SPTLC1: variants seen among roughly 807,000 people sequenced by gnomAD.
SPTLC1 encodes the protein serine palmitoyltransferase 1.
Under a neutral mutation model 68.9 loss-of-function variants are expected in SPTLC1, and 55 were observed. That is an observed-to-expected ratio of 0.80 (90% CI 0.64 to 1.00). The LOEUF (loss-of-function observed/expected upper bound fraction) is 1.00, where lower values mean the gene tolerates loss of function less well. Among genes scored for constraint, SPTLC1 ranks in the 50% least tolerant of loss-of-function variants. The probability of loss-of-function intolerance (pLI) is 0.00; values close to 1 mark genes in which losing one functional copy is unlikely to be tolerated. For synonymous variants in SPTLC1, 197 were observed against 201.6 expected (o/e 0.98, Z 0.19); for missense variants, 449 against 573.1 (o/e 0.78, Z 2.21).
intron 3 of SPTLC1, among the ~76,000 whole-genome samples, chr9:92,098,432 CTT>C (rs1835621624): frequency 6.6e-6 from 1 of 152,166 alleles, no homozygotes; most frequent in African/African-American, 2.4e-5. Context: ...TTTTTGCCCT[CTT>C]TGTCTCGCCC....
intron 3 of SPTLC1, among the ~76,000 whole-genome samples, chr9:92,084,138 T>G (rs1835016282): frequency 2.0e-5 from 3 of 151,658 alleles, no homozygotes; most frequent in African/African-American, 7.3e-5. Flanking sequence ...AAGGAGATTT[T>G]GGGCTGAGAC....
chr9:92,052,287 T>C (rs1833725861), intron 8 of SPTLC1, among the ~76,000 whole-genome samples: 1 of 152,106 alleles, frequency 6.6e-6, no homozygotes, highest in South Asian at 2.1e-4. Flanking sequence ...AACCCATACA[T>C]CTATGGTCAA....
intron 5 of SPTLC1, among the ~76,000 whole-genome samples, chr9:92,069,708 A>G (rs1834416271): frequency 6.6e-6 from 1 of 152,130 alleles, no homozygotes; most frequent in African/African-American, 2.4e-5. Flanking sequence ...GCCACCTCTC[A>G]CGTTCCCAGG....
intron 8 of SPTLC1, among the ~76,000 whole-genome samples, chr9:92,052,832 A>G (rs1833754947): frequency 6.6e-6 from 1 of 152,072 alleles, no homozygotes; most frequent in African/African-American, 2.4e-5. Flanking sequence ...GTGCCCGGCC[A>G]GATTAAACAA....
chr9:92,069,250 G>T (rs1189152558), intron 5 of SPTLC1, among the ~76,000 whole-genome samples: 1 of 152,182 alleles, frequency 6.6e-6, no homozygotes, highest in African/African-American at 2.4e-5. Flanking sequence ...ACTTCCTAAA[G>T]AACGTTACAA....
intron 5 of SPTLC1, among the ~76,000 whole-genome samples, chr9:92,074,773 T>C (rs1381272292): frequency 1.3e-5 from 2 of 151,892 alleles, no homozygotes; most frequent in Non-Finnish European, 2.9e-5. Flanking sequence ...TCAATCAGAT[T>C]GTCCTCCCCA....
At chr9:92,068,277 A>G (rs1419343349) in intron 5 of SPTLC1, among the ~76,000 whole-genome samples, 179 bp from the exon 6 acceptor site, 4 of 152,238 alleles carry the variant, frequency 2.6e-5, no homozygotes, top group Non-Finnish European at 5.9e-5. Flanking sequence ...AGGCCCATAC[A>G]ACTTCTAAAA....
chr9:92,114,488 C>T (rs1836363902), intron 1 of SPTLC1, among the ~76,000 whole-genome samples: 1 of 152,126 alleles, frequency 6.6e-6, no homozygotes, highest in African/African-American at 2.4e-5. Flanking sequence ...ATAATCCCAG[C>T]ACTTTGGGAG....
At chr9:92,052,967 T>C (rs1833758410) in intron 8 of SPTLC1, among the ~76,000 whole-genome samples, 2 of 150,128 alleles carry the variant, frequency 1.3e-5, no homozygotes, top group African/African-American at 4.9e-5. Context: ...CCCCACAAAA[T>C]AGGAGAAAAT....
In SPTLC1 at chr9:92,068,077, T is replaced by C. The variant is rs771628352; in HGVS notation, c.449A>G (p.Asp150Gly). The change falls in exon 6 of 15, where the codon GAC becomes GGC. Residue 150 changes from aspartate to glycine, a missense_variant. Around this residue, in one of 3 missense-constraint regions of SPTLC1, gnomAD observed 391 missense variants for 472.1 expected, o/e 0.83. Coordinates refer to ENST00000262554, the MANE Select transcript of SPTLC1 (RefSeq NM_006415.4). ...GTFDVHLDLE[D>G]RLAKFMKTEE... ...TGTCTTCATAAATTTTGCCAGGCGG[T>C]CTTCCAAATCCAAATGAACATCTAT... The C allele has an allele frequency of 3.7e-6, 6 of 1,613,872 alleles. No homozygotes were observed. Among genetic ancestry groups the C allele is most frequent in the African/African-American group, 1.3e-5 (1 of 74,924 alleles).
intron 3 of SPTLC1, among the ~76,000 whole-genome samples, chr9:92,081,166 A>G (rs1386818197): frequency 6.6e-6 from 1 of 152,236 alleles, no homozygotes; most frequent in African/African-American, 2.4e-5. Flanking sequence ...ATTTTTAATA[A>G]AATACCTGTA....
At chr9:92,087,140 T>C (rs1454278864) in intron 3 of SPTLC1, among the ~76,000 whole-genome samples, 9 of 152,308 alleles carry the variant, frequency 5.9e-5, no homozygotes, top group African/African-American at 1.4e-4. Flanking sequence ...AGTTATACAT[T>C]CGTCTAAATT....
At chr9:92,046,260 C>T (rs990376635) in intron 11 of SPTLC1, 19 of 587,862 alleles carry the variant, frequency 3.2e-5, no homozygotes, top group Non-Finnish European at 5.4e-5. Context: ...CCTCAGTATC[C>T]CACTTTCAAC....
chr9:92,033,337 A>T (rs140300529), intron 14 of SPTLC1, among the ~76,000 whole-genome samples: 2 of 152,356 alleles, frequency 1.3e-5, no homozygotes, highest in East Asian at 3.9e-4. Flanking sequence ...GCATGGCAGA[A>T]ATTTTCAAGT....
At chr9:92,044,481 A>G (rs1833445601) in intron 12 of SPTLC1, among the ~76,000 whole-genome samples, 1 of 152,200 alleles carries the variant, frequency 6.6e-6, no homozygotes, top group African/African-American at 2.4e-5. Context: ...GTCCAGGCGA[A>G]GGGCAGTAGC....
chr9:92,051,065 A>G, intron 8 of SPTLC1: 1 of 985,250 alleles, frequency 1.0e-6, no homozygotes, highest in South Asian at 4.7e-5. Flanking sequence ...CTGTAGCCCT[A>G]TAATATACGT....
chr9:92,045,524 T>TTAAAA (rs1274356655), intron 12 of SPTLC1, among the ~76,000 whole-genome samples: 1 of 31,622 alleles, frequency 3.2e-5, no homozygotes, highest in African/African-American at 1.1e-4. Context: ...TCTTGTGTAG[T>TTAAAA]AAAAAAAAAA....
intron 3 of SPTLC1, among the ~76,000 whole-genome samples, chr9:92,084,777 T>C (rs550562360): frequency 0.19 from 28,478 of 149,958 alleles, 4,852 homozygotes; most frequent in African/African-American, 0.45. Context: ...GGGAGGATTC[T>C]CTCTTTTTCT....
chr9:92,107,866 A>T (rs1163972879), intron 3 of SPTLC1: 3 of 152,272 alleles, frequency 2.0e-5, no homozygotes, highest in Non-Finnish European at 2.9e-5. Context: ...GAATCAGAAC[A>T]ATACTACTCA....
Sources: gnomAD v4.1 joint callset for allele counts (sites outside exome capture counted in the v4.1 genomes callset) on GRCh38, gnomAD v4.1.1 for gene constraint, gnomAD v4.1.1 regional missense constraint, MANE v1.5 for transcripts, NCBI Gene and HGNC (gene_info 2026-07-23, HGNC 2026-07-21) for gene names.